Variants in CDH13 observed in about 807,000 individuals in gnomAD.
CDH13 encodes the protein cadherin 13.
In CDH13, 24 loss-of-function variants were observed where a neutral mutation model predicts 63.8. The observed-to-expected ratio is 0.38, with a 90% CI of 0.27 to 0.53. The LOEUF is 0.53. CDH13 is among the 20% of genes least tolerant of loss of function. The pLI is 0.85. For missense variants in CDH13, 1,049 were observed against 903.1 expected (o/e 1.16, Z -2.07); for synonymous variants, 503 against 355.3 (o/e 1.42, Z -4.67).
chr16:83,086,257 C>G (rs762636353), intron 3 of CDH13, among the ~76,000 whole-genome samples: 1 of 152,146 alleles, frequency 6.6e-6, no homozygotes, highest in Non-Finnish European at 1.5e-5. Flanking sequence ...CCCAAGCAAA[C>G]TCAGAAAAAT....
chr16:83,782,581 C>T (rs1338292845), intron 12 of CDH13, among the ~76,000 whole-genome samples: 1 of 151,822 alleles, frequency 6.6e-6, no homozygotes, highest in Non-Finnish European at 1.5e-5. Context: ...ACTAAATATA[C>T]AAAAATTAGC....
chr16:83,286,216 C>G (rs563089640), intron 5 of CDH13, among the ~76,000 whole-genome samples: 4 of 152,212 alleles, frequency 2.6e-5, no homozygotes, highest in African/African-American at 7.2e-5. Context: ...TGGACCTTCA[C>G]TCTTCCCACA....
At chr16:83,198,975 CTT>C (rs2038951900) in intron 4 of CDH13, among the ~76,000 whole-genome samples, 1 of 152,102 alleles carries the variant, frequency 6.6e-6, no homozygotes, top group Non-Finnish European at 1.5e-5. Flanking sequence ...TTCTTCTTCT[CTT>C]GAGAACATTT....
chr16:83,311,750 G>A (rs1264275424), intron 5 of CDH13, among the ~76,000 whole-genome samples: 1 of 152,172 alleles, frequency 6.6e-6, no homozygotes, highest in Non-Finnish European at 1.5e-5. Context: ...TTTTATTCCA[G>A]CTTGGACAAA....
chr16:82,729,362 T>C (rs1247059260), intron 1 of CDH13, among the ~76,000 whole-genome samples: 1 of 152,202 alleles, frequency 6.6e-6, no homozygotes. Context: ...TTGAAGTCAC[T>C]TCTAGATCCA....
In CDH13 at chr16:82,729,275, G is replaced by A. The variant is rs117417812; in HGVS notation, c.45+102138G>A. On this transcript the variant is annotated intron_variant, in intron 1 of 13. Transcript: ENST00000567109. ...GAAGGTTTTCAGTTCACTTTGCCCC[G>A]ATCCATCAGAGGAATTACTATCTCT... is the stretch of plus-strand genomic sequence containing the variant. Among the ~76,000 whole-genome samples, 399 of 152,180 alleles carry A rather than the reference G, an allele frequency of 2.6e-3. 1 individual carries two copies. Among genetic ancestry groups the A allele is most frequent in the Non-Finnish European group, 4.4e-3 (302 of 68,000 alleles).
rs200015057 is a variant in CDH13 at position 83,324,040 on chromosome 16, CT to C, written c.637-20807del. On this transcript the variant is annotated intron_variant, in intron 5 of 13. Transcript: ENST00000567109. The stretch of plus-strand genomic sequence containing the variant: ...CATCACAGGTTTATTTCTTCTTCTT[CT>C]TTTTTTTTTTTTTTGAGGTGGAGTC... 4.7e-3 allele frequency among the ~76,000 whole-genome samples: 665 copies of C among 141,324 alleles called. 4 individuals carry two copies. Among genetic ancestry groups the C allele is most frequent in the African/African-American group, 0.015 (595 of 38,914 alleles). The allele number at this position is 141,324 out of a possible 152,430, so 92.7% of individuals were successfully genotyped here. A position where few individuals can be genotyped will look rare whatever the true frequency, so the allele number is the denominator to read the frequency against.
chr16:83,715,358 C>A (rs1268830315), intron 10 of CDH13, among the ~76,000 whole-genome samples: 1 of 152,162 alleles, frequency 6.6e-6, no homozygotes, highest in Non-Finnish European at 1.5e-5. Flanking sequence ...TCTACTTTAT[C>A]CTCACTGACC....
At chr16:83,470,173 C>A (rs2073418965) in intron 6 of CDH13, among the ~76,000 whole-genome samples, 1 of 152,162 alleles carries the variant, frequency 6.6e-6, no homozygotes, top group Non-Finnish European at 1.5e-5. Context: ...CCCTCTACTT[C>A]CCACCTCCAG....
chr16:83,017,113 C>A (rs1367663611), intron 2 of CDH13, among the ~76,000 whole-genome samples: 1 of 152,202 alleles, frequency 6.6e-6, no homozygotes, highest in Non-Finnish European at 1.5e-5. Context: ...ACACTAGTAA[C>A]AGCTCTTGAC....
At chr16:82,987,826 T>A (rs72792122) in intron 2 of CDH13, among the ~76,000 whole-genome samples, 5,157 of 152,358 alleles carry the variant, frequency 0.034, 125 homozygotes, top group Middle Eastern at 0.071. Context: ...ACTCAAGGAT[T>A]TTGTGTTGGG....
chr16:83,003,809 G>A (rs547612323), intron 2 of CDH13, among the ~76,000 whole-genome samples: 1 of 152,182 alleles, frequency 6.6e-6, no homozygotes, highest in Non-Finnish European at 1.5e-5. Flanking sequence ...AATGTGAACA[G>A]GGCTTAACCA....
chr16:83,760,932 A>T lies in CDH13; in HGVS notation c.1681+12682A>T, dbSNP rs532482625. Among the ~76,000 whole-genome samples the T allele has an allele frequency of 1.9e-3, 283 of 152,324 alleles. 2 individuals are homozygous for T. Among genetic ancestry groups the T allele is most frequent in the African/African-American group, 6.1e-3 (255 of 41,572 alleles). On this transcript the variant is annotated intron_variant, in intron 11 of 13. Transcript: ENST00000567109. Reference sequence around the variant, plus strand: ...TTGCTGATGGGCCAATTTTGCCAGGAAAGGTGAGTGATAAGAGTTCTACAT... The same window carrying T: ...TTGCTGATGGGCCAATTTTGCCAGGTAAGGTGAGTGATAAGAGTTCTACAT...
At chr16:83,512,374 T>TAAAAA in intron 7 of CDH13, among the ~76,000 whole-genome samples, 1 of 110,624 alleles carries the variant, frequency 9.0e-6, no homozygotes, top group Non-Finnish European at 1.9e-5. Flanking sequence ...ATAAATAAAA[T>TAAAAA]AAAAATAAAG....
chr16:83,620,512 C>G (rs1165786566), intron 8 of CDH13, among the ~76,000 whole-genome samples: 1 of 151,964 alleles, frequency 6.6e-6, no homozygotes, highest in Non-Finnish European at 1.5e-5. Flanking sequence ...CTGGGGATGC[C>G]AACAGCATGA....
At chr16:83,096,746 T>C (rs2034217771) in intron 3 of CDH13, among the ~76,000 whole-genome samples, 1 of 152,232 alleles carries the variant, frequency 6.6e-6, no homozygotes, top group South Asian at 2.1e-4. Context: ...GTCGTAATTA[T>C]GTGCAATATT....
chr16:83,506,455 C>G (rs2074397960), intron 7 of CDH13, among the ~76,000 whole-genome samples: 1 of 152,178 alleles, frequency 6.6e-6, no homozygotes. Flanking sequence ...ACAGTCTGAC[C>G]CATGCTTTCT....
At chr16:82,964,148 T>G (rs1236263293) in intron 2 of CDH13, among the ~76,000 whole-genome samples, 3 of 152,156 alleles carry the variant, frequency 2.0e-5, no homozygotes, top group Non-Finnish European at 2.9e-5. Flanking sequence ...TGAGATCTCA[T>G]AAATCCATAA....
chr16:82,889,633 T>C (rs2041011427), intron 2 of CDH13, among the ~76,000 whole-genome samples: 1 of 152,248 alleles, frequency 6.6e-6, no homozygotes, highest in Non-Finnish European at 1.5e-5. Context: ...GTTGCATCTA[T>C]ATCTTTGTGA....
Sources: allele counts gnomAD v4.1 joint callset (sites outside exome capture counted in the v4.1 genomes callset), GRCh38; gene constraint gnomAD v4.1.1; transcripts MANE v1.5; gene names NCBI Gene and HGNC (gene_info 2026-07-23, HGNC 2026-07-21).